LINGO3: variants seen among roughly 807,000 people sequenced by gnomAD.
The protein encoded by LINGO3 is leucine rich repeat and Ig domain containing 3, also known as leucine-rich repeat and immunoglobulin-like domain-containing nogo receptor-interacting protein 3.
For missense variants in LINGO3, 750 were observed against 867.7 expected (o/e 0.86, Z 1.70); for synonymous variants, 427 against 444.2 (o/e 0.96, Z 0.49).
At chr19:2,287,653 T>A (rs1038946205), downstream of LINGO3, among the ~76,000 whole-genome samples, 6 of 152,364 alleles carry the variant, frequency 3.9e-5, no homozygotes, top group African/African-American at 1.2e-4. The surrounding 1 kb of genome is among the most constrained non-coding windows in gnomAD (Gnocchi z 4.5). Flanking sequence ...TCTCTCTGGC[T>A]GATCGATCTC....
chr19:2,295,482 C>T (rs1308484934), upstream of LINGO3, among the ~76,000 whole-genome samples: 1 of 152,222 alleles, frequency 6.6e-6, no homozygotes, highest in Non-Finnish European at 1.5e-5. Context: ...CGCCTGTCAT[C>T]CCAGCACTTC....
At chr19:2,293,081 T>C (rs544841380), upstream of LINGO3, among the ~76,000 whole-genome samples, 1 of 106,280 alleles carries the variant, frequency 9.4e-6, no homozygotes, top group East Asian at 3.3e-4. Context: ...TTCTTTCTTT[T>C]TGAGACGGAG....
At chr19:2,295,022 G>C (rs2025561181), upstream of LINGO3, among the ~76,000 whole-genome samples, 1 of 152,116 alleles carries the variant, frequency 6.6e-6, no homozygotes, top group South Asian at 2.1e-4. Flanking sequence ...ATCCTCATTT[G>C]CTAAATATCT....
chr19:2,289,875 A>T (rs1464902076), exon 1 of LINGO3: 65 of 774,234 alleles, frequency 8.4e-5, no homozygotes, highest in Non-Finnish European at 6.1e-5. Context: ...CTACAAAAAA[A>T]GGGGAAGTTC....
chr19:2,304,057 C>T, the LINGO3 span, among the ~76,000 whole-genome samples: 202 of 152,296 alleles, frequency 1.3e-3, no homozygotes, highest in African/African-American at 4.5e-3. Context: ...CATTGGGTGC[C>T]GGCTGGGGTC....
chr19:2,301,927 CAAAAAAA>C, the LINGO3 span, among the ~76,000 whole-genome samples: 5 of 35,276 alleles, frequency 1.4e-4, no homozygotes, highest in South Asian at 9.7e-4. Context: ...GACTCCATCT[CAAAAAAA>C]AAAAAAAAAA....
At chr19:2,289,283 T>TGGGTGTGAGCTGTGTGTCCC (rs2025494350), downstream of LINGO3, among the ~76,000 whole-genome samples, 2 of 147,334 alleles carry the variant, frequency 1.4e-5, no homozygotes, top group Non-Finnish European at 3.0e-5. Context: ...GTGTGTGTCC[T>TGGGTGTGAGCTGTGTGTCCC]GGGTGTGAGC....
downstream of LINGO3, among the ~76,000 whole-genome samples, chr19:2,288,698 G>A (rs1045709644): frequency 3.3e-5 from 5 of 152,088 alleles, no homozygotes; most frequent in Non-Finnish European, 5.9e-5. This position sits in a 1 kb window ranked among gnomAD's most constrained non-coding sequence, Gnocchi z 6.5. Flanking sequence ...AGGGCGTGTG[G>A]ACCCCTGACT....
chr19:2,293,543 A>G (rs917624564), upstream of LINGO3, among the ~76,000 whole-genome samples: 3 of 148,818 alleles, frequency 2.0e-5, no homozygotes, highest in African/African-American at 7.5e-5. Context: ...TAGTTTTAGT[A>G]CAGATGGGGT....
the LINGO3 span, among the ~76,000 whole-genome samples, chr19:2,299,812 C>CT: frequency 6.6e-6 from 1 of 150,454 alleles, no homozygotes; most frequent in South Asian, 2.1e-4. Flanking sequence ...CAAGCTTCGC[C>CT]CCCTGGGTTC....
chr19:2,293,700 C>A (rs1182596966), upstream of LINGO3, among the ~76,000 whole-genome samples: 2 of 151,946 alleles, frequency 1.3e-5, no homozygotes, highest in Non-Finnish European at 2.9e-5. Flanking sequence ...ACAGGCCCAT[C>A]CACAGACAGG....
At chr19:2,297,491 G>A in the LINGO3 span, among the ~76,000 whole-genome samples, 1 of 151,178 alleles carries the variant, frequency 6.6e-6, no homozygotes, top group Non-Finnish European at 1.5e-5. Flanking sequence ...TTTTAGTAGA[G>A]ACGGGATTTC....
At chr19:2,296,231 A>C (rs1599166467), upstream of LINGO3, among the ~76,000 whole-genome samples, 1 of 151,074 alleles carries the variant, frequency 6.6e-6, no homozygotes, top group Admixed American at 6.6e-5. Context: ...CCGACCCTGC[A>C]CCTCCCCCCT....
the LINGO3 span, among the ~76,000 whole-genome samples, chr19:2,307,341 A>C: frequency 1.3e-5 from 2 of 152,184 alleles, no homozygotes; most frequent in African/African-American, 4.8e-5. Flanking sequence ...ACCCAGTTAC[A>C]TGGTGGTCTC....
upstream of LINGO3, among the ~76,000 whole-genome samples, chr19:2,296,172 C>T (rs539111014): frequency 3.5e-4 from 54 of 152,326 alleles, no homozygotes; most frequent in Middle Eastern, 3.4e-3. Flanking sequence ...GGCTGTGTCA[C>T]GGGAGGGGAC....
the LINGO3 span, among the ~76,000 whole-genome samples, chr19:2,303,360 G>A: frequency 2.5e-5 from 3 of 118,924 alleles, no homozygotes; most frequent in African/African-American, 7.5e-5. Flanking sequence ...GAGCTGTGGG[G>A]GGGGGGGTCT....
chr19:2,298,775 G>A, the LINGO3 span, among the ~76,000 whole-genome samples: 2 of 152,166 alleles, frequency 1.3e-5, no homozygotes, highest in African/African-American at 2.4e-5. Context: ...TCCTGACCTC[G>A]TGATCCGCCC....
upstream of LINGO3, among the ~76,000 whole-genome samples, chr19:2,293,835 C>G (rs921836576): frequency 2.4e-4 from 37 of 151,538 alleles, no homozygotes; most frequent in Non-Finnish European, 5.0e-4. Flanking sequence ...GGTGGATCAC[C>G]TGAGGTCAGG....
upstream of LINGO3, among the ~76,000 whole-genome samples, chr19:2,292,422 AAAAGC>A (rs2025533806): frequency 6.6e-6 from 1 of 150,744 alleles, no homozygotes; most frequent in Non-Finnish European, 1.5e-5. Flanking sequence ...AAAAAAAAAA[AAAAGC>A]AGCATTGATC....
Sources: gnomAD v4.1 joint callset for allele counts (sites outside exome capture counted in the v4.1 genomes callset) on GRCh38, gnomAD v4.1.1 for gene constraint, Gnocchi (gnomAD v3.1) non-coding constraint, MANE v1.5 for transcripts, NCBI Gene and HGNC (gene_info 2026-07-23, HGNC 2026-07-21) for gene names.